Variants in STK32B observed in about 807,000 individuals in gnomAD.
The protein encoded by STK32B is serine/threonine kinase 32B.
In STK32B, 43 loss-of-function variants were observed where a neutral mutation model predicts 52.6. That is an observed-to-expected ratio of 0.82 (90% CI 0.64 to 1.05). The LOEUF (loss-of-function observed/expected upper bound fraction) is 1.05, where lower values mean the gene tolerates loss of function less well. Ranked by LOEUF, STK32B falls within the 50% of genes least tolerant of loss-of-function variation. The probability of loss-of-function intolerance (pLI) is 0.00; values close to 1 mark genes in which losing one functional copy is unlikely to be tolerated. For synonymous variants in STK32B, 238 were observed against 204.3 expected (o/e 1.17, Z -1.41); for missense variants, 621 against 534.6 (o/e 1.16, Z -1.59).
At chr4:5,274,064 A>G (rs538102734) in intron 3 of STK32B, among the ~76,000 whole-genome samples, 2 of 152,208 alleles carry the variant, frequency 1.3e-5, no homozygotes, top group African/African-American at 4.8e-5. Context: ...GTTCTTTGCA[A>G]ATTTATCCAT....
rs935251031 is a variant in STK32B at position 5,395,684 on chromosome 4, A to T, written c.435-2523A>T. Among the ~76,000 whole-genome samples, 1 of 152,092 alleles carries T rather than the reference A, an allele frequency of 6.6e-6. No individual in the cohort carries two copies. The highest frequency in any genetic ancestry group is 2.4e-5 in the African/African-American group (1 of 41,404). ...CACCCCCGTAAATGCTTGAGATTCC[A>T]CTCTGTGCTAAGAGCCAACACAGAA... On this transcript the variant is annotated intron_variant, in intron 4 of 11. Coordinates refer to ENST00000282908, the MANE Select transcript of STK32B (RefSeq NM_018401.3). The surrounding 1 kb of genome is among the most constrained non-coding windows in gnomAD (Gnocchi z 4.4).
chr4:5,229,368 G>T (rs1038725821), intron 3 of STK32B, among the ~76,000 whole-genome samples: 1 of 152,144 alleles, frequency 6.6e-6, no homozygotes, highest in African/African-American at 2.4e-5. Context: ...ATGTATCCAT[G>T]TAACAAAACT....
chr4:5,295,784 A>G (rs1225458992), intron 3 of STK32B, among the ~76,000 whole-genome samples: 3 of 151,780 alleles, frequency 2.0e-5, no homozygotes, highest in Non-Finnish European at 4.4e-5. Context: ...TTCTGCTCTG[A>G]TCTTAGTTAT....
chr4:5,262,624 C>CAAA (rs746798812), intron 3 of STK32B, among the ~76,000 whole-genome samples: 8 of 79,434 alleles, frequency 1.0e-4, no homozygotes, highest in Non-Finnish European at 2.3e-4. Flanking sequence ...GACTCCATCT[C>CAAA]AAAAAAAAAA....
intron 3 of STK32B, among the ~76,000 whole-genome samples, chr4:5,261,590 G>C (rs1310976127): frequency 6.6e-6 from 1 of 152,108 alleles, no homozygotes; most frequent in African/African-American, 2.4e-5. Flanking sequence ...AGATCAGAGA[G>C]GTTTAATAAC....
rs549512793 is a variant in STK32B, at chr4:5,437,353, G to C, written c.563-9320G>C. Reference sequence around the variant, plus strand: ...GGCCATGTGCCCTCAGAAGCCACGGGAGGATTCTTTCTGCCTCTTTGAGCT... The same window carrying C: ...GGCCATGTGCCCTCAGAAGCCACGGCAGGATTCTTTCTGCCTCTTTGAGCT... On this transcript the variant is annotated intron_variant, in intron 6 of 11. Coordinates refer to ENST00000282908, the MANE Select transcript of STK32B (RefSeq NM_018401.3). Among the ~76,000 whole-genome samples, 3 of 152,384 alleles carry C rather than the reference G, an allele frequency of 2.0e-5. No homozygotes were observed. In the South Asian group the frequency reaches 6.2e-4, roughly 32 times the overall value.
At chr4:5,026,411 G>A in the STK32B span, among the ~76,000 whole-genome samples, 15 of 152,180 alleles carry the variant, frequency 9.9e-5, no homozygotes, top group Non-Finnish European at 1.8e-4. Flanking sequence ...GAGGCCTCAG[G>A]AAACTTACAA....
chr4:5,374,696 A>C (rs1353304668), intron 4 of STK32B, among the ~76,000 whole-genome samples: 1 of 151,308 alleles, frequency 6.6e-6, no homozygotes, highest in African/African-American at 2.4e-5. Flanking sequence ...TGGAGTCTTC[A>C]CAGCTTAATC....
chr4:5,424,014 T>C (rs565874119), intron 6 of STK32B, among the ~76,000 whole-genome samples: 7 of 152,216 alleles, frequency 4.6e-5, no homozygotes, highest in African/African-American at 1.4e-4. Flanking sequence ...ACTCCCCCCG[T>C]AGGCTCAGGG....
intron 3 of STK32B, among the ~76,000 whole-genome samples, chr4:5,273,820 T>C (rs1442188620): frequency 8.0e-6 from 1 of 125,512 alleles, no homozygotes; most frequent in Non-Finnish European, 1.6e-5. Context: ...GGAAGGGGAA[T>C]ATCACACTCT....
At chr4:5,139,135 G>A (rs1448429749) in intron 1 of STK32B, among the ~76,000 whole-genome samples, 1 of 152,170 alleles carries the variant, frequency 6.6e-6, no homozygotes, top group Non-Finnish European at 1.5e-5. Flanking sequence ...GTAGACAGGT[G>A]TGAGACACTG....
At chr4:5,317,498 T>C (rs1309352436) in intron 3 of STK32B, among the ~76,000 whole-genome samples, 2 of 105,930 alleles carry the variant, frequency 1.9e-5, no homozygotes, top group East Asian at 4.6e-4. Context: ...ATATAATATA[T>C]ATTATATATG....
intron 4 of STK32B, among the ~76,000 whole-genome samples, chr4:5,361,824 A>G (rs2108999609): frequency 6.6e-6 from 1 of 152,344 alleles, no homozygotes; most frequent in South Asian, 2.1e-4. Flanking sequence ...CGGGTATTCT[A>G]GGAGGGTAAA....
the STK32B span, among the ~76,000 whole-genome samples, chr4:5,025,927 G>A: frequency 1.3e-5 from 2 of 152,208 alleles, no homozygotes; most frequent in South Asian, 2.1e-4. Context: ...TGTGAAGTAC[G>A]CTTGTCTCTT....
In STK32B at chr4:5,468,036, G is replaced by C; in HGVS notation, c.1072G>C (p.Val358Leu). Reference protein sequence around the residue: ...NGHLQHCLETVREEFIIFNRE... With the variant: ...NGHLQHCLETLREEFIIFNRE... ...ACACCTGCAGCACTGTTTGGAGACT[G>C]TCCGGGAGGAATTCATCATATTCAA... is the stretch of plus-strand genomic sequence containing the variant. The change falls in exon 11 of 12, where the codon GTC becomes CTC. Residue 358 changes from valine to leucine, a missense_variant. Coordinates refer to ENST00000282908, the MANE Select transcript of STK32B (RefSeq NM_018401.3). The C allele has an allele frequency of 1.2e-6, 2 of 1,614,158 alleles. No individual in the cohort carries two copies. Among genetic ancestry groups the C allele is most frequent in the Non-Finnish European group, 1.7e-6 (2 of 1,180,000 alleles).
At chr4:5,339,137 G>T (rs927258666) in intron 4 of STK32B, among the ~76,000 whole-genome samples, 1 of 152,098 alleles carries the variant, frequency 6.6e-6, no homozygotes, top group East Asian at 1.9e-4. Context: ...CTTAGACTGG[G>T]ACTTACACTA....
At chr4:5,185,911 C>T (rs918413874) in intron 3 of STK32B, among the ~76,000 whole-genome samples, 7 of 152,174 alleles carry the variant, frequency 4.6e-5, no homozygotes, top group Admixed American at 2.6e-4. Context: ...TTTTTGTTCT[C>T]GTCCATACTA....
chr4:5,272,043 TG>T (rs1258914078), intron 3 of STK32B, among the ~76,000 whole-genome samples: 1 of 148,158 alleles, frequency 6.7e-6, no homozygotes, highest in Non-Finnish European at 1.5e-5. Flanking sequence ...AACACTATGT[TG>T]AATAGGAGTG....
chr4:5,474,014 T>A (rs1446466480), intron 11 of STK32B, among the ~76,000 whole-genome samples: 1 of 151,944 alleles, frequency 6.6e-6, no homozygotes, highest in Non-Finnish European at 1.5e-5. Context: ...CTTGGGAGGC[T>A]AAGTCAGGAG....
Sources: gnomAD v4.1 joint callset for allele counts (sites outside exome capture counted in the v4.1 genomes callset) on GRCh38, gnomAD v4.1.1 for gene constraint, Gnocchi (gnomAD v3.1) non-coding constraint, MANE v1.5 for transcripts, NCBI Gene and HGNC (gene_info 2026-07-23, HGNC 2026-07-21) for gene names.